Variants in OXR1 observed in about 807,000 individuals in gnomAD.
OXR1 encodes the protein oxidation resistance protein 1.
Under a neutral mutation model 104.6 loss-of-function variants are expected in OXR1, and 41 were observed. The ratio of observed to expected loss-of-function variants is 0.39; its 90% CI spans 0.31 to 0.51. OXR1 has a LOEUF of 0.51. OXR1 is among the 20% of genes least tolerant of loss of function. The probability of loss-of-function intolerance (pLI) is 0.77; values close to 1 mark genes in which losing one functional copy is unlikely to be tolerated. For missense variants in OXR1, 955 were observed against 1,031.9 expected (o/e 0.93, Z 1.02); for synonymous variants, 348 against 348.4 (o/e 1.00, Z 0.01).
chr8:106,305,547 A>G (rs1385174459), intron 1 of OXR1, among the ~76,000 whole-genome samples: 2 of 152,316 alleles, frequency 1.3e-5, no homozygotes, highest in Non-Finnish European at 2.9e-5. Flanking sequence ...GAAACATTTG[A>G]TTAAAATAAT....
chr8:106,711,270 T>C (rs1202495064), intron 10 of OXR1, among the ~76,000 whole-genome samples: 1 of 152,160 alleles, frequency 6.6e-6, no homozygotes, highest in Non-Finnish European at 1.5e-5. Flanking sequence ...TTGTAAAAGA[T>C]GTCTATTGTA....
chr8:106,614,234 A>G (rs771895844), intron 3 of OXR1, among the ~76,000 whole-genome samples: 73 of 152,324 alleles, frequency 4.8e-4, no homozygotes, highest in Non-Finnish European at 8.4e-4. Context: ...CGTCTTAAAA[A>G]AGGTTCAGTT....
intron 2 of OXR1, among the ~76,000 whole-genome samples, chr8:106,413,644 G>T (rs1818551014): frequency 6.6e-6 from 1 of 151,918 alleles, no homozygotes; most frequent in South Asian, 2.1e-4. Flanking sequence ...CTTCAAAGTA[G>T]ATCCAGTTCT....
chr8:106,306,333 C>G (rs895202177), intron 1 of OXR1, among the ~76,000 whole-genome samples: 1 of 151,914 alleles, frequency 6.6e-6, no homozygotes, highest in Admixed American at 6.6e-5. Flanking sequence ...TTAAAGCTTC[C>G]GGTATCCATT....
intron 15 of OXR1, among the ~76,000 whole-genome samples, chr8:106,745,369 A>G (rs1835297014): frequency 6.6e-6 from 1 of 152,224 alleles, no homozygotes; most frequent in South Asian, 2.1e-4. Flanking sequence ...ATATGCAAAG[A>G]AAAGGCCTTG....
chr8:106,686,384 G>A (rs1344716356), intron 6 of OXR1, among the ~76,000 whole-genome samples: 1 of 151,456 alleles, frequency 6.6e-6, no homozygotes, highest in Non-Finnish European at 1.5e-5. Context: ...ATGGGCAATA[G>A]TTAGAAATAA....
chr8:106,618,066 T>TA (rs1358115115), intron 3 of OXR1: 3 of 1,534,252 alleles, frequency 2.0e-6, no homozygotes, highest in Non-Finnish European at 2.6e-6. Context: ...AAGGAAATGT[T>TA]ATATTACCCT....
intron 11 of OXR1, among the ~76,000 whole-genome samples, chr8:106,721,446 A>G (rs1832813522): frequency 6.6e-6 from 1 of 152,148 alleles, no homozygotes. Context: ...GAATTTACTA[A>G]GATTATGTGT....
At chr8:106,417,230 A>G (rs1210339790) in intron 2 of OXR1, among the ~76,000 whole-genome samples, 2 of 152,134 alleles carry the variant, frequency 1.3e-5, no homozygotes, top group African/African-American at 4.8e-5. Context: ...ACAATAATTT[A>G]TATGCATATT....
intron 2 of OXR1, among the ~76,000 whole-genome samples, chr8:106,385,187 A>C (rs1817326152): frequency 6.6e-6 from 1 of 152,232 alleles, no homozygotes. Context: ...TTCAAAGAAG[A>C]ATGATTCCTG....
chr8:106,428,401 T>C (rs1819220536), intron 2 of OXR1, among the ~76,000 whole-genome samples: 1 of 152,198 alleles, frequency 6.6e-6, no homozygotes, highest in Non-Finnish European at 1.5e-5. Flanking sequence ...CCTAGACTTG[T>C]TACATGGCCA....
intron 2 of OXR1, among the ~76,000 whole-genome samples, chr8:106,466,430 A>AT (rs1271514414): frequency 2.6e-5 from 4 of 151,828 alleles, no homozygotes; most frequent in African/African-American, 9.7e-5. Flanking sequence ...TTTACATTAA[A>AT]CTAGTGTAGT....
chr8:106,575,644 A>G (rs931209390), intron 3 of OXR1, among the ~76,000 whole-genome samples: 1 of 151,954 alleles, frequency 6.6e-6, no homozygotes, highest in Non-Finnish European at 1.5e-5. Context: ...ATGATATACA[A>G]TTAATTTAAT....
intron 2 of OXR1, among the ~76,000 whole-genome samples, chr8:106,366,465 T>C (rs1391270153): frequency 6.6e-6 from 1 of 152,352 alleles, no homozygotes; most frequent in East Asian, 1.9e-4. Context: ...AAAATAGTTA[T>C]GTAGGCTAAG....
chr8:106,297,734 T>C (rs908647325), intron 1 of OXR1, among the ~76,000 whole-genome samples: 1 of 152,204 alleles, frequency 6.6e-6, no homozygotes, highest in African/African-American at 2.4e-5. Flanking sequence ...TGTTTCCAAA[T>C]AGTTTCTTAT....
chr8:106,676,682 T>C (rs1342612556), intron 3 of OXR1, among the ~76,000 whole-genome samples: 1 of 152,174 alleles, frequency 6.6e-6, no homozygotes, highest in East Asian at 1.9e-4. Flanking sequence ...GGACTTCCCT[T>C]TGTAGGTGAC....
At chr8:106,724,183 C>T (rs1312951586) in intron 11 of OXR1, among the ~76,000 whole-genome samples, 1 of 152,028 alleles carries the variant, frequency 6.6e-6, no homozygotes, top group African/African-American at 2.4e-5. Context: ...AACTTCAGTT[C>T]GAATAAAGTA....
intron 2 of OXR1, among the ~76,000 whole-genome samples, chr8:106,455,206 A>G (rs760911196): frequency 3.3e-5 from 5 of 152,164 alleles, no homozygotes; most frequent in Non-Finnish European, 7.3e-5. Context: ...ATTTTGAGTT[A>G]GTCAGAATAT....
chr8:106,698,096 C>G, intron 7 of OXR1: 1 of 854,546 alleles, frequency 1.2e-6, no homozygotes, highest in Non-Finnish European at 1.9e-6. Flanking sequence ...CTGCAGCTGC[C>G]GAGCTTCTTC....
Sources: allele counts gnomAD v4.1 joint callset (sites outside exome capture counted in the v4.1 genomes callset), GRCh38; gene constraint gnomAD v4.1.1; transcripts MANE v1.5; gene names NCBI Gene and HGNC (gene_info 2026-07-23, HGNC 2026-07-21).